The following EIF3E variants were observed in gnomAD, a reference collection of about 807,000 sequenced individuals.
The protein encoded by EIF3E is eukaryotic translation initiation factor 3 subunit E.
In EIF3E, 25 loss-of-function variants were observed where a neutral mutation model predicts 59.3. That is an observed-to-expected ratio of 0.42 (90% CI 0.31 to 0.59). The LOEUF (loss-of-function observed/expected upper bound fraction) is 0.59. Among genes scored for constraint, EIF3E ranks in the 20% least tolerant of loss-of-function variants. EIF3E has a pLI of 0.15. For synonymous variants in EIF3E, 176 were observed against 170.2 expected, an observed-to-expected ratio of 1.03 and a Z score of -0.26; for missense variants, 317 against 534.3, an observed-to-expected ratio of 0.59 and a Z score of 4.01.
chr8:108,217,397 T>C lies in EIF3E; in HGVS notation c.786A>G (p.Ile262Met). ...HILRYLTTAVITNKDVRKRRQ... is the reference protein window; with the variant it reads ...HILRYLTTAVMTNKDVRKRRQ... Reference sequence around the variant, plus strand: ...GACGTTTTCGAACATCCTTGTTTGTTATGACTGCTGTAGTCAAATAGCGAA... The same window carrying C: ...GACGTTTTCGAACATCCTTGTTTGTCATGACTGCTGTAGTCAAATAGCGAA... The change falls in exon 8 of 13, where the codon ATA becomes ATG. Residue 262 changes from isoleucine (I) to methionine (M), a missense_variant. Physicochemically the swap from Ile to Met is conservative, Grantham distance 10. Transcript: ENST00000220849. 6.2e-7 allele frequency: 1 copy of C among 1,603,570 alleles called. No individual in the cohort carries two copies.
intron 7 of EIF3E, among the ~76,000 whole-genome samples, chr8:108,221,048 G>A (rs1300658059): frequency 1.3e-5 from 2 of 151,732 alleles, no homozygotes; most frequent in African/African-American, 4.8e-5. Context: ...GAAAGGACAG[G>A]ACAGGACAGG....
At chr8:108,241,345 T>C (rs201167047) in intron 2 of EIF3E, among the ~76,000 whole-genome samples, 2 of 152,190 alleles carry the variant, frequency 1.3e-5, no homozygotes, top group East Asian at 3.9e-4. Flanking sequence ...GCCAAAAACC[T>C]GCATTTCTAA....
chr8:108,229,320 A>G (rs1227825335), intron 5 of EIF3E, 125 bp from the exon 6 acceptor site: 2 of 944,398 alleles, frequency 2.1e-6, no homozygotes, highest in African/African-American at 3.3e-5. Context: ...AAAAACTGTA[A>G]TTATCTAAGT....
rs893669876 is a variant in EIF3E, at chr8:108,242,658, A to G, written c.91-745T>C. ...TGGTCAAAGGGTATTTAGCCATGAGAGCAAAATCGAACCTTCCAAATTACA... is the reference window on the plus strand; with the variant it reads ...TGGTCAAAGGGTATTTAGCCATGAGGGCAAAATCGAACCTTCCAAATTACA... On this transcript the variant is annotated intron_variant, in intron 1 of 12. Coordinates refer to ENST00000220849, the MANE Select transcript of EIF3E (RefSeq NM_001568.3). 2.6e-6 allele frequency: 3 copies of G among 1,138,788 alleles called. No individual in the cohort carries two copies. The African/African-American group carries it at 4.9e-5, about 18-fold the overall frequency. 70.5% of individuals were successfully genotyped at this position (1,138,788 alleles called of 1,614,324 possible).
intron 1 of EIF3E, among the ~76,000 whole-genome samples, chr8:108,246,068 T>C (rs35528903): frequency 6.6e-6 from 1 of 152,000 alleles, no homozygotes; most frequent in African/African-American, 2.4e-5. Flanking sequence ...AATAACAAAA[T>C]AGAACAATTA....
chr8:108,224,260 A>G (rs1815478314), intron 7 of EIF3E, among the ~76,000 whole-genome samples: 1 of 151,492 alleles, frequency 6.6e-6, no homozygotes, highest in East Asian at 1.9e-4. Flanking sequence ...AAAATATGCA[A>G]TTTACAATCT....
rs1814988373 is a variant in EIF3E at position 108,201,249 on chromosome 8, T to A, written c.*636A>T. The A allele has an allele frequency of 1.4e-5, 1 of 72,040 alleles. No individual in the cohort carries two copies. The highest frequency in any genetic ancestry group is 7.3e-5 in the African/African-American group (1 of 13,632). 4.5% of individuals were successfully genotyped at this position (72,040 alleles called of 1,614,324 possible). On this transcript the variant is annotated 3_prime_UTR_variant, in exon 13 of 13. Transcript: ENST00000220849. Reference sequence around the variant, plus strand: ...CAATAAAAAAGGAATTAACTACTGATCATATATATATATATATCTATCTCT... The same window carrying A: ...CAATAAAAAAGGAATTAACTACTGAACATATATATATATATATCTATCTCT...
Position 108,230,317 on chromosome 8 carries a change from G to A in EIF3E, c.472-1122C>T, listed in dbSNP as rs79636878. Among the ~76,000 whole-genome samples, 1,334 of 152,140 alleles carry A rather than the reference G, an allele frequency of 8.8e-3. 36 individuals carry two copies. Among genetic ancestry groups the A allele is most frequent in the African/African-American group, 0.031 (1,272 of 41,506 alleles). On this transcript the variant is annotated intron_variant, in intron 5 of 12. Transcript: ENST00000220849. Reference sequence around the variant, plus strand: ...CAACATGGGGATAGAACCCACCTCAGTTGTATAGTTTAAGTGACATAAGAC... The same window carrying A: ...CAACATGGGGATAGAACCCACCTCAATTGTATAGTTTAAGTGACATAAGAC...
At chr8:108,243,682 T>A (rs77131993) in intron 1 of EIF3E, among the ~76,000 whole-genome samples, 1,793 of 151,542 alleles carry the variant, frequency 0.012, 46 homozygotes, top group African/African-American at 0.041. Flanking sequence ...ATGTTTTATT[T>A]ATTAATCTGA....
chr8:108,217,983 T>C (rs1815335571), intron 7 of EIF3E, among the ~76,000 whole-genome samples: 1 of 152,206 alleles, frequency 6.6e-6, no homozygotes, highest in South Asian at 2.1e-4. Flanking sequence ...GGAATAGATG[T>C]CAGGTAAACA....
rs186988569 is a variant in EIF3E, at chr8:108,233,101, T to G, written c.471+1897A>C. Among the ~76,000 whole-genome samples the G allele has an allele frequency of 1.9e-3, 289 of 152,178 alleles. 3 individuals carry two copies. Among genetic ancestry groups the G allele is most frequent in the African/African-American group, 6.8e-3 (282 of 41,428 alleles). On this transcript the variant is annotated intron_variant, in intron 5 of 12. Transcript: ENST00000220849. The stretch of plus-strand genomic sequence containing the variant: ...AAGTAAAACTGATGGAATTTTTTGA[T>G]AAGTTACTACAAGTTTAGCATCACT...
intron 7 of EIF3E, among the ~76,000 whole-genome samples, chr8:108,221,176 T>C (rs1815405136): frequency 6.6e-6 from 1 of 151,760 alleles, no homozygotes; most frequent in Non-Finnish European, 1.5e-5. Flanking sequence ...AAAAAAAAAT[T>C]TTAGAGCAGG....
At chr8:108,234,815 G>C in intron 5 of EIF3E, 183 bp downstream of exon 5, 1 of 381,972 alleles carries the variant, frequency 2.6e-6, no homozygotes, top group Non-Finnish European at 4.7e-6. Flanking sequence ...TTGAGGCCCT[G>C]AAACAAGGTT....
chr8:108,215,274 A>C (rs76039879), intron 9 of EIF3E, among the ~76,000 whole-genome samples: 16 of 151,842 alleles, frequency 1.1e-4, no homozygotes, highest in Non-Finnish European at 1.0e-4. Flanking sequence ...ACAAAAAAAA[A>C]CACCAATTAC....
chr8:108,226,813 C>A (rs1249088562), intron 7 of EIF3E, among the ~76,000 whole-genome samples: 1 of 152,104 alleles, frequency 6.6e-6, no homozygotes, highest in Non-Finnish European at 1.5e-5. Context: ...AAAGCAAAAC[C>A]CCCCATGATT....
At chr8:108,234,496 C>A (rs1421456941) in intron 5 of EIF3E, 3 of 152,166 alleles carry the variant, frequency 2.0e-5, no homozygotes, top group African/African-American at 7.2e-5. Flanking sequence ...TATTTATATT[C>A]CAATAGCTGA....
At chr8:108,221,903 A>C (rs896183558) in intron 7 of EIF3E, among the ~76,000 whole-genome samples, 1 of 152,192 alleles carries the variant, frequency 6.6e-6, no homozygotes, top group Non-Finnish European at 1.5e-5. Flanking sequence ...AAATATTATT[A>C]TTCTTTTCAC....
At chr8:108,234,057 G>C (rs950463542) in intron 5 of EIF3E, among the ~76,000 whole-genome samples, 9 of 152,022 alleles carry the variant, frequency 5.9e-5, no homozygotes, top group Admixed American at 3.9e-4. Flanking sequence ...TTTATTGATG[G>C]AGTCTTGTTC....
chr8:108,232,595 A>G (rs539708486), intron 5 of EIF3E, among the ~76,000 whole-genome samples: 5 of 152,312 alleles, frequency 3.3e-5, no homozygotes, highest in African/African-American at 9.6e-5. Context: ...TCAGACTAAT[A>G]TAAAACCATA....
Sources: allele counts gnomAD v4.1 joint callset (sites outside exome capture counted in the v4.1 genomes callset), GRCh38; gene constraint gnomAD v4.1.1; transcripts MANE v1.5; gene names NCBI Gene and HGNC (gene_info 2026-07-23, HGNC 2026-07-21).